The following SCN9A variants were observed in gnomAD, a reference collection of about 807,000 sequenced individuals.
The protein encoded by SCN9A is sodium voltage-gated channel alpha subunit 9.
In SCN9A, 131 loss-of-function variants were observed where a neutral mutation model predicts 187.0. The ratio of observed to expected loss-of-function variants is 0.70; its 90% confidence interval spans 0.61 to 0.81. The LOEUF (loss-of-function observed/expected upper bound fraction) is 0.81, where lower values mean the gene tolerates loss of function less well. Among genes scored for constraint, SCN9A ranks in the 30% least tolerant of loss-of-function variants. The pLI is 0.00. For missense variants in SCN9A, 2,252 were observed against 2,396.6 expected, an observed-to-expected ratio of 0.94 and a Z score of 1.26; for synonymous variants, 809 against 808.6, an observed-to-expected ratio of 1.00 and a Z score of -0.01.
rs75949647 is a variant in SCN9A, at chr2:166,332,793, T to C, written c.-50-20987A>G. Among the ~76,000 whole-genome samples, 543 of 152,106 alleles carry C rather than the reference T, an allele frequency of 3.6e-3. 11 individuals carry two copies. The East Asian group carries it at 0.068, about 19-fold the overall frequency. On this transcript the variant is annotated intron_variant, in intron 1 of 26. Coordinates refer to ENST00000642356, the MANE Select transcript of SCN9A (RefSeq NM_001365536.1). ...CTTCTACACTATTATTCTTAGTTTT[T>C]AAAAATGAAATCACAGATGTAAATA...
chr2:166,334,100 A>C (rs1234811630), intron 1 of SCN9A, among the ~76,000 whole-genome samples: 1 of 152,110 alleles, frequency 6.6e-6, no homozygotes, highest in Non-Finnish European at 1.5e-5. Flanking sequence ...GTCAGCAAGA[A>C]TTTGTGAGAC....
intron 17 of SCN9A, among the ~76,000 whole-genome samples, chr2:166,263,870 C>A (rs1306887086): frequency 6.6e-6 from 1 of 151,922 alleles, no homozygotes; most frequent in Non-Finnish European, 1.5e-5. Flanking sequence ...CAACAACCTC[C>A]AAAGTTAGAA....
At chr2:166,217,087 G>T (rs1166850675) in intron 24 of SCN9A, among the ~76,000 whole-genome samples, 1 of 151,956 alleles carries the variant, frequency 6.6e-6, no homozygotes, top group Admixed American at 6.6e-5. Context: ...TTCAGCAAAG[G>T]TGCAAAGAAT....
chr2:166,306,538 T>C lies in SCN9A; in HGVS notation c.439A>G (p.Asn147Asp), dbSNP rs1574906538. The C allele has an allele frequency of 6.3e-7, 1 of 1,579,322 alleles. No homozygotes were observed. The highest frequency in any genetic ancestry group is 2.3e-5 in the East Asian group (1 of 44,040). The part of the protein sequence containing the change: ...LTNCIFMTMN[N>D]PPDWTKNVEY... ...ACATTTTTGGTCCAGTCCGGTGGGTTATTCATGGTCATAAATATGCAGTTT... is the reference window on the plus strand; with the variant it reads ...ACATTTTTGGTCCAGTCCGGTGGGTCATTCATGGTCATAAATATGCAGTTT... The change falls in exon 4 of 27, where the codon AAC becomes GAC. Residue 147 changes from asparagine to aspartate, a missense_variant. By Grantham distance (23) the Asn-to-Asp change is conservative (BLOSUM62 1). This residue lies in a region of SCN9A where 1,013 missense variants were observed against 997.4 expected (regional missense o/e 1.02). Coordinates refer to ENST00000642356, the MANE Select transcript of SCN9A (RefSeq NM_001365536.1).
At chr2:166,351,242 T>C (rs1881438) in intron 1 of SCN9A, among the ~76,000 whole-genome samples, 50,437 of 152,002 alleles carry the variant, frequency 0.33, 9,971 homozygotes, top group Non-Finnish European at 0.44. Context: ...AATGAGAAAG[T>C]CAGAAACATT....
At chr2:166,356,695 T>C (rs1007089213) in intron 1 of SCN9A, among the ~76,000 whole-genome samples, 1 of 152,240 alleles carries the variant, frequency 6.6e-6, no homozygotes, top group African/African-American at 2.4e-5. Context: ...TCTATTCATT[T>C]TTCTTTTCAT....
chr2:166,284,426 T>C, intron 12 of SCN9A, 27 bp downstream of exon 12: 4 of 1,576,208 alleles, frequency 2.5e-6, no homozygotes, highest in Non-Finnish European at 3.4e-6. Flanking sequence ...GGCCCAGCCA[T>C]GCCTGAGCTA....
intron 1 of SCN9A, among the ~76,000 whole-genome samples, chr2:166,375,322 T>C (rs1700661985): frequency 6.6e-6 from 1 of 152,164 alleles, no homozygotes. Flanking sequence ...GTAAAAAATG[T>C]GAGCTGCCCC....
chr2:166,343,083 T>C (rs1192925901), intron 1 of SCN9A, among the ~76,000 whole-genome samples: 2 of 152,214 alleles, frequency 1.3e-5, no homozygotes, highest in Non-Finnish European at 2.9e-5. Context: ...AATAATGTAG[T>C]GCAGGTAAAA....
intron 1 of SCN9A, among the ~76,000 whole-genome samples, chr2:166,346,607 C>G (rs909444603): frequency 6.6e-6 from 1 of 152,082 alleles, no homozygotes; most frequent in Non-Finnish European, 1.5e-5. Context: ...AGATATGGTT[C>G]AGCTGCTACC....
rs149739106 is a variant in SCN9A at position 166,343,798 on chromosome 2, A to AAAAAGAAAAG, written c.-51+31889_-51+31898dup. Among the ~76,000 whole-genome samples the AAAAAGAAAAG allele has an allele frequency of 2.8e-4, 43 of 151,566 alleles. 1 individual carries two copies. Among genetic ancestry groups the AAAAAGAAAAG allele is most frequent in the African/African-American group, 1.0e-3 (43 of 41,096 alleles). On this transcript the variant is annotated intron_variant, in intron 1 of 26. Coordinates refer to ENST00000642356, the MANE Select transcript of SCN9A (RefSeq NM_001365536.1). ...GAGACAGAGTGAGATTGTGTTTCAAAAAAAGAAAAGAAAAGAAAAGAAAAG... is the reference window on the plus strand; with the variant it reads ...GAGACAGAGTGAGATTGTGTTTCAAAAAAAGAAAAGAAAAGAAAAGAAAAGAAAAGAAAAG...
chr2:166,243,111 G>A (rs901890907), intron 18 of SCN9A, among the ~76,000 whole-genome samples: 4 of 152,054 alleles, frequency 2.6e-5, no homozygotes, highest in Non-Finnish European at 5.9e-5. Context: ...GAGAAAATTA[G>A]TGGAAACTCC....
chr2:166,265,929 GTTGT>G lies in SCN9A; in HGVS notation c.3351+6466_3351+6469del, dbSNP rs1227914032. 2.6e-5 allele frequency among the ~76,000 whole-genome samples: 4 copies of G among 151,814 alleles called. No homozygotes were observed. The South Asian group carries it at 8.3e-4, about 31-fold the overall frequency. On this transcript the variant is annotated intron_variant, in intron 17 of 26. Coordinates refer to ENST00000642356, the MANE Select transcript of SCN9A (RefSeq NM_001365536.1). ...TATTTGTTTTTTTTGTCGTTGTTGA[GTTGT>G]TTGAGTTCCTTGTATGTTTTAGATA...
chr2:166,304,425 A>G, intron 5 of SCN9A, 96 bp from the exon 6 acceptor site: 3 of 1,000,486 alleles, frequency 3.0e-6, no homozygotes, highest in South Asian at 3.0e-5. Flanking sequence ...TGGGGCTTCT[A>G]TTTTAAATGT....
chr2:166,260,654 G>T (rs1213015259), intron 17 of SCN9A, among the ~76,000 whole-genome samples: 1 of 151,584 alleles, frequency 6.6e-6, no homozygotes, highest in Non-Finnish European at 1.5e-5. Flanking sequence ...GGTTTTTGGG[G>T]GACTCAATAT....
rs200841817 is a variant in SCN9A, at chr2:166,195,513, A to G, written c.*3159T>C. 1.3e-5 allele frequency: 2 copies of G among 152,156 alleles called. No homozygotes were observed. The highest frequency in any genetic ancestry group is 2.9e-5 in the Non-Finnish European group (2 of 68,028). The allele number at this position is 152,156 out of a possible 1,614,324, so 9.4% of individuals were successfully genotyped here. On this transcript the variant is annotated 3_prime_UTR_variant, in exon 27 of 27. Coordinates refer to ENST00000642356, the MANE Select transcript of SCN9A (RefSeq NM_001365536.1). ...TCCTAATTTAGTTGGCCCTTCTTTC[A>G]GCACTTCTATTAACATTTCTCTGAA...
At chr2:166,341,872 T>C (rs1286875886) in intron 1 of SCN9A, among the ~76,000 whole-genome samples, 1 of 152,238 alleles carries the variant, frequency 6.6e-6, no homozygotes, top group Non-Finnish European at 1.5e-5. Context: ...ATAACATTAA[T>C]CTGTCATTTC....
chr2:166,292,281 G>T (rs1264574032), intron 9 of SCN9A, among the ~76,000 whole-genome samples: 1 of 151,886 alleles, frequency 6.6e-6, no homozygotes, highest in African/African-American at 2.4e-5. Flanking sequence ...ATCATACAAA[G>T]CATTTTAAAG....
At chr2:166,366,724 T>C (rs977857819) in intron 1 of SCN9A, among the ~76,000 whole-genome samples, 1 of 152,172 alleles carries the variant, frequency 6.6e-6, no homozygotes, top group Non-Finnish European at 1.5e-5. Context: ...TGATAAAACC[T>C]TAACCACTTA....
Sources: allele counts gnomAD v4.1 joint callset (sites outside exome capture counted in the v4.1 genomes callset), GRCh38; gene constraint gnomAD v4.1.1; regional missense constraint gnomAD v4.1.1; transcripts MANE v1.5; gene names NCBI Gene and HGNC (gene_info 2026-07-23, HGNC 2026-07-21).